CRACDL: variants seen among roughly 807,000 people sequenced by gnomAD.
CRACDL encodes CRACD-like protein.
Under a neutral mutation model 70.6 loss-of-function variants are expected in CRACDL, and 26 were observed. The observed-to-expected ratio is 0.37, with a 90% CI of 0.27 to 0.51. The LOEUF is 0.51. Among genes scored for constraint, CRACDL ranks in the 20% least tolerant of loss-of-function variants. The pLI, the probability that CRACDL is intolerant of heterozygous loss-of-function variation, is 0.94. For synonymous variants in CRACDL, 618 were observed against 615.2 expected (o/e 1.00, Z -0.07); for missense variants, 1,283 against 1,376.9 (o/e 0.93, Z 1.08).
chr2:98,915,604 T>G (rs1708645129), intron 1 of CRACDL, among the ~76,000 whole-genome samples: 1 of 147,990 alleles, frequency 6.8e-6, no homozygotes, highest in African/African-American at 2.5e-5. Flanking sequence ...AGCCACAGAG[T>G]GATGGTAGGG....
intron 7 of CRACDL, among the ~76,000 whole-genome samples, chr2:98,817,403 A>G (rs970433797): frequency 6.6e-6 from 1 of 152,222 alleles, no homozygotes; most frequent in African/African-American, 2.4e-5. Flanking sequence ...AAGAGACAGG[A>G]ATATATTTTT....
chr2:98,928,168 A>G (rs1438448230), intron 1 of CRACDL, among the ~76,000 whole-genome samples: 3 of 152,108 alleles, frequency 2.0e-5, no homozygotes, highest in African/African-American at 7.2e-5. Flanking sequence ...CTGGGAGACA[A>G]AGCAAGACTC....
intron 1 of CRACDL, among the ~76,000 whole-genome samples, chr2:98,924,311 C>G (rs1368709136): frequency 6.6e-6 from 1 of 152,182 alleles, no homozygotes; most frequent in Non-Finnish European, 1.5e-5. Flanking sequence ...GCGACCACCT[C>G]CCTCTCTGCC....
rs781342768 is a variant in CRACDL at position 98,794,596 on chromosome 2, G to A, written c.2825C>T (p.Ser942Phe). Residue 942 changes from serine to phenylalanine, a missense_variant, in exon 10 of 10, where the codon TCC becomes TTC. Physicochemically the swap from Ser to Phe is radical, Grantham distance 155. Around this residue, in one of 2 missense-constraint regions of CRACDL, gnomAD observed 921 missense variants for 881.9 expected, o/e 1.04. Transcript: ENST00000397899. ...TTTCTTTCTGGCAAGTTCCATCCAGGATGGCTGATCTGTACTGGCATAACT... is the reference window on the plus strand; with the variant it reads ...TTTCTTTCTGGCAAGTTCCATCCAGAATGGCTGATCTGTACTGGCATAACT... Reference protein sequence around the residue: ...RASYASTDQPSWMELARKKSQ... With the variant: ...RASYASTDQPFWMELARKKSQ... The A allele has an allele frequency of 8.1e-6, 13 of 1,612,984 alleles. No homozygotes were observed. The highest frequency in any genetic ancestry group is 1.1e-5 in the Non-Finnish European group (13 of 1,179,108).
intron 1 of CRACDL, among the ~76,000 whole-genome samples, chr2:98,873,644 T>C (rs1707408138): frequency 1.3e-5 from 2 of 152,238 alleles, no homozygotes; most frequent in Admixed American, 1.3e-4. Context: ...CACCCACTCA[T>C]GGGGATTTAC....
At chr2:98,819,337 A>C (rs561718888) in intron 7 of CRACDL, among the ~76,000 whole-genome samples, 11 of 152,324 alleles carry the variant, frequency 7.2e-5, no homozygotes, top group African/African-American at 2.6e-4. Flanking sequence ...AGACATTTTC[A>C]ATTCTAGGCC....
intron 1 of CRACDL, among the ~76,000 whole-genome samples, chr2:98,849,215 T>C (rs1367547627): frequency 1.3e-5 from 2 of 152,160 alleles, no homozygotes; most frequent in Non-Finnish European, 2.9e-5. Context: ...CGAGAGATCA[T>C]GCACTGGGTC....
chr2:98,821,811 G>A (rs1462304039), intron 7 of CRACDL, 46 bp downstream of exon 7: 2 of 1,586,804 alleles, frequency 1.3e-6, no homozygotes. Context: ...CGTGGATGTG[G>A]ATCTCCCCAG....
intron 2 of CRACDL, among the ~76,000 whole-genome samples, chr2:98,843,219 T>C (rs1706114599): frequency 6.6e-6 from 1 of 152,178 alleles, no homozygotes; most frequent in African/African-American, 2.4e-5. Flanking sequence ...TGATTTAAAA[T>C]TTGCTCCCCA....
At chr2:98,798,114 G>T (rs1010117342) in intron 7 of CRACDL, among the ~76,000 whole-genome samples, 1 of 152,170 alleles carries the variant, frequency 6.6e-6, no homozygotes, top group Non-Finnish European at 1.5e-5. Flanking sequence ...AAGGCCAAGA[G>T]GGGGTGGATC....
chr2:98,824,571 C>T (rs1010031031), intron 6 of CRACDL, among the ~76,000 whole-genome samples: 1 of 152,078 alleles, frequency 6.6e-6, no homozygotes, highest in Non-Finnish European at 1.5e-5. Context: ...GTGGAAATGA[C>T]GAAAAGGTTG....
intron 1 of CRACDL, among the ~76,000 whole-genome samples, chr2:98,928,860 A>G (rs1036523052): frequency 1.2e-4 from 18 of 152,216 alleles, no homozygotes; most frequent in African/African-American, 4.3e-4. Context: ...GTGATTTCCA[A>G]TGGAGCTTGT....
chr2:98,887,529 C>A (rs1180627562), intron 1 of CRACDL, among the ~76,000 whole-genome samples: 1 of 151,974 alleles, frequency 6.6e-6, no homozygotes, highest in Non-Finnish European at 1.5e-5. Flanking sequence ...TAGGATACCA[C>A]TGAGCATACA....
At chr2:98,833,380 C>T (rs560962489) in intron 3 of CRACDL, among the ~76,000 whole-genome samples, 1 of 152,384 alleles carries the variant, frequency 6.6e-6, no homozygotes, top group South Asian at 2.1e-4. Context: ...GCCTTGTGGG[C>T]AAACATGCAG....
In CRACDL at chr2:98,797,479, G is replaced by A; in HGVS notation, c.2475C>T (p.Pro825=). The part of the protein sequence containing the change: ...GPGADGQPAP[P]WITVTRQKRR... The stretch of plus-strand genomic sequence containing the variant: ...GCTTCTGCCGAGTGACGGTGATCCA[G>A]GGTGGCGCAGGCTGCCCATCAGCTC... The change falls in exon 8 of 10, where the codon CCC becomes CCT. Residue 825 remains proline, a synonymous_variant. Coordinates refer to ENST00000397899, the MANE Select transcript of CRACDL (RefSeq NM_207362.3). 6.2e-7 allele frequency: 1 copy of A among 1,614,230 alleles called. No homozygotes were observed. The highest frequency in any genetic ancestry group is 1.1e-5 in the South Asian group (1 of 91,086).
chr2:98,899,954 GA>G (rs1451165527), intron 1 of CRACDL, among the ~76,000 whole-genome samples: 1 of 143,604 alleles, frequency 7.0e-6, no homozygotes, highest in Admixed American at 6.8e-5. Flanking sequence ...GAGGCAGATG[GA>G]CAGAGGCTCA....
intron 6 of CRACDL, among the ~76,000 whole-genome samples, chr2:98,825,543 G>A (rs897535029): frequency 2.0e-5 from 3 of 152,212 alleles, no homozygotes; most frequent in Non-Finnish European, 2.9e-5. Flanking sequence ...GGCTATAAAC[G>A]CCCTGGCCAG....
chr2:98,868,975 T>C (rs1417604578), intron 1 of CRACDL: 4 of 533,200 alleles, frequency 7.5e-6, no homozygotes, highest in South Asian at 1.7e-5. Flanking sequence ...GATTTATCCA[T>C]AGGCCTCAGG....
intron 1 of CRACDL, among the ~76,000 whole-genome samples, chr2:98,878,240 C>A (rs1707541153): frequency 6.6e-6 from 1 of 152,220 alleles, no homozygotes; most frequent in South Asian, 2.1e-4. Context: ...AGCCACCGCA[C>A]CCGGCCCATT....
Sources: gnomAD v4.1 joint callset for allele counts (sites outside exome capture counted in the v4.1 genomes callset) on GRCh38, gnomAD v4.1.1 for gene constraint, gnomAD v4.1.1 regional missense constraint, MANE v1.5 for transcripts, NCBI Gene and HGNC (gene_info 2026-07-23, HGNC 2026-07-21) for gene names.